The following USP42 variants were observed in gnomAD, a reference collection of about 807,000 sequenced individuals.
The protein encoded by USP42 is ubiquitin specific peptidase 42, also known as ubiquitin carboxyl-terminal hydrolase 42.
A neutral mutation model predicts 113.0 loss-of-function variants in USP42; 23 were observed. The ratio of observed to expected loss-of-function variants is 0.20; its 90% CI spans 0.15 to 0.29. The LOEUF is 0.29. Ranked by LOEUF, USP42 falls within the 10% of genes least tolerant of loss-of-function variation. USP42 has a pLI of 1.00. For missense variants in USP42, 2,174 were observed against 1,779.8 expected, an observed-to-expected ratio of 1.22 and a Z score of -3.99; for synonymous variants, 933 against 699.0, an observed-to-expected ratio of 1.33 and a Z score of -5.28.
At chr7:6,100,004 CTATTATTATTATTAT>C (rs1554332997), upstream of USP42, among the ~76,000 whole-genome samples, 1 of 144,290 alleles carries the variant, frequency 6.9e-6, no homozygotes, top group Non-Finnish European at 1.5e-5. Flanking sequence ...TTTCACAAGT[CTATTATTATTATTAT>C]TATTATTATT....
intron 4 of USP42, among the ~76,000 whole-genome samples, 181 bp downstream of exon 4, chr7:6,136,132 G>A (rs73058644): frequency 0.11 from 16,970 of 151,464 alleles, 1,053 homozygotes; most frequent in Non-Finnish European, 0.13. Flanking sequence ...AGCCTCTCGA[G>A]TAGCTGAGAT....
At chr7:6,115,819 G>A (rs1779880356) in intron 3 of USP42, among the ~76,000 whole-genome samples, 3 of 152,078 alleles carry the variant, frequency 2.0e-5, no homozygotes, top group Admixed American at 1.3e-4. Flanking sequence ...AGAAATATCT[G>A]ACATTAGCTG....
At chr7:6,124,117 C>A (rs1365460500) in intron 3 of USP42, among the ~76,000 whole-genome samples, 1 of 151,960 alleles carries the variant, frequency 6.6e-6, no homozygotes, top group East Asian at 1.9e-4. Context: ...CTCAGGTCAT[C>A]TGCCTGCCTC....
rs763700898 is a variant in USP42, at chr7:6,111,179, T to C, written c.46T>C (p.Tyr16His). Residue 16 changes from tyrosine to histidine, a missense_variant, in exon 2 of 18, where the codon TAT becomes CAT. Coordinates refer to ENST00000306177, the MANE Select transcript of USP42 (RefSeq NM_032172.3). ...TTCTGAATCTTCAGACCCATCAGCC[T>C]ATCAGAATCAGCCTGGCAGCTCCGA... ...KASESSDPSA[Y>H]QNQPGSSEAV... 7 of 1,613,232 alleles carry C rather than the reference T, an allele frequency of 4.3e-6. No individual in the cohort carries two copies. Among genetic ancestry groups the C allele is most frequent in the Non-Finnish European group, 5.9e-6 (7 of 1,179,496 alleles).
chr7:6,092,446 T>C, the USP42 span, among the ~76,000 whole-genome samples: 1 of 150,978 alleles, frequency 6.6e-6, no homozygotes, highest in Non-Finnish European at 1.5e-5. Context: ...CTCAAAGTTC[T>C]GGGATTACAG....
the USP42 span, among the ~76,000 whole-genome samples, chr7:6,095,090 A>G: frequency 6.6e-6 from 1 of 151,236 alleles, no homozygotes; most frequent in Non-Finnish European, 1.5e-5. Flanking sequence ...GCCCAGCCCC[A>G]CTTGGCTTTC....
At chr7:6,133,438 T>C (rs892211417) in intron 3 of USP42, among the ~76,000 whole-genome samples, 1 of 152,234 alleles carries the variant, frequency 6.6e-6, no homozygotes, top group African/African-American at 2.4e-5. Flanking sequence ...CCATAATGAA[T>C]ATCTTCAAGT....
the USP42 span, among the ~76,000 whole-genome samples, chr7:6,086,599 C>CT: frequency 6.6e-6 from 1 of 150,588 alleles, no homozygotes; most frequent in South Asian, 2.1e-4. Flanking sequence ...ATCCACCCCC[C>CT]TCAACCTCCC....
At chr7:6,115,244 G>C (rs920818650) in intron 2 of USP42, 79 bp from the exon 3 acceptor site, 4 of 1,394,746 alleles carry the variant, frequency 2.9e-6, no homozygotes, top group Non-Finnish European at 3.0e-6. Flanking sequence ...TAAAGATTGA[G>C]GTTTGACCAG....
chr7:6,083,985 G>A, the USP42 span, among the ~76,000 whole-genome samples: 2 of 150,512 alleles, frequency 1.3e-5, no homozygotes, highest in African/African-American at 5.0e-5. Flanking sequence ...GGTTGTGTAG[G>A]TCGTCCGTGA....
intron 15 of USP42, among the ~76,000 whole-genome samples, chr7:6,156,508 G>A (rs1302984706): frequency 1.3e-5 from 2 of 152,304 alleles, no homozygotes; most frequent in Admixed American, 1.3e-4. Flanking sequence ...GGAGTGCGGT[G>A]TTGCAGTCGT....
At chr7:6,126,441 C>T (rs1562819854) in intron 3 of USP42, among the ~76,000 whole-genome samples, 3 of 152,198 alleles carry the variant, frequency 2.0e-5, no homozygotes, top group African/African-American at 4.8e-5. Context: ...CCCACCACCA[C>T]GCCTGGCTAA....
At chr7:6,098,459 C>G in the USP42 span, among the ~76,000 whole-genome samples, 1 of 150,204 alleles carries the variant, frequency 6.7e-6, no homozygotes, top group African/African-American at 2.5e-5. Flanking sequence ...TGATTCCACT[C>G]CTCCCTTAGC....
intron 3 of USP42, among the ~76,000 whole-genome samples, chr7:6,123,832 C>CA (rs34032326): frequency 0.26 from 18,525 of 72,488 alleles, 2,893 homozygotes; most frequent in East Asian, 0.72. Context: ...GACCCTGTCT[C>CA]AAAAAAAAAA....
At chr7:6,098,330 A>G in the USP42 span, among the ~76,000 whole-genome samples, 1 of 149,942 alleles carries the variant, frequency 6.7e-6, no homozygotes, top group Non-Finnish European at 1.5e-5. Context: ...ACTCTCTCTT[A>G]TCTGCTCCCC....
chr7:6,159,559 G>A lies in USP42; in HGVS notation c.*36+66G>A, dbSNP rs1216397933. The A allele has an allele frequency of 2.0e-6, 3 of 1,503,650 alleles. No individual in the cohort carries two copies. The highest frequency in any genetic ancestry group is 4.5e-5 in the East Asian group (2 of 44,272). 93.1% of individuals were successfully genotyped at this position (1,503,650 alleles called of 1,614,324 possible). A position where few individuals can be genotyped will look rare whatever the true frequency, so the allele number is the denominator to read the frequency against. ...GCGCTGAGGGGACGCAGGCAGAGGAGTTTTAATTCTGCGGCTCTGCCTGGG... is the reference window on the plus strand; with the variant it reads ...GCGCTGAGGGGACGCAGGCAGAGGAATTTTAATTCTGCGGCTCTGCCTGGG... On this transcript the variant is annotated intron_variant, in intron 17 of 17. Transcript: ENST00000306177. This position sits in a 1 kb window ranked among gnomAD's most constrained non-coding sequence, Gnocchi z 4.1.
At chr7:6,092,624 C>T in the USP42 span, among the ~76,000 whole-genome samples, 1 of 151,270 alleles carries the variant, frequency 6.6e-6, no homozygotes, top group Non-Finnish European at 1.5e-5. Context: ...CCCACAGCTC[C>T]GGGTTCCAAA....
chr7:6,103,889 C>G (rs186290209), upstream of USP42, among the ~76,000 whole-genome samples: 221 of 151,148 alleles, frequency 1.5e-3, 12 homozygotes, highest in African/African-American at 5.3e-3. Context: ...TCTGTCCCTA[C>G]AAAACAAAAC....
intron 7 of USP42, 59 bp downstream of exon 7, chr7:6,141,043 G>A (rs1165818628): frequency 7.0e-6 from 6 of 862,274 alleles, no homozygotes; most frequent in Admixed American, 2.7e-5. Flanking sequence ...TTATGTAACT[G>A]TAGTTCATTT....
Sources: allele counts gnomAD v4.1 joint callset (sites outside exome capture counted in the v4.1 genomes callset), GRCh38; gene constraint gnomAD v4.1.1; non-coding constraint Gnocchi (gnomAD v3.1); transcripts MANE v1.5; gene names NCBI Gene and HGNC (gene_info 2026-07-23, HGNC 2026-07-21).